The following KMT2C variants were observed in gnomAD, a reference collection of about 807,000 sequenced individuals.
The protein encoded by KMT2C is histone-lysine N-methyltransferase 2C.
KMT2C carries 88 observed loss-of-function variants against 507.9 expected under a neutral mutation model. The observed-to-expected ratio is 0.17, with a 90% CI of 0.15 to 0.21. The LOEUF is 0.21. Among genes scored for constraint, KMT2C ranks in the 10% least tolerant of loss-of-function variants. KMT2C has a pLI of 1.00. For missense variants in KMT2C, 4,954 were observed against 5,957.8 expected (o/e 0.83, Z 5.55); for synonymous variants, 2,049 against 2,080.8 (o/e 0.98, Z 0.42).
chr7:152,414,209 CA>C (rs142576046), intron 1 of KMT2C, among the ~76,000 whole-genome samples: 2,258 of 103,190 alleles, frequency 0.022, 45 homozygotes, highest in African/African-American at 0.067. Flanking sequence ...GACTCTGTTT[CA>C]AAAAAAAAAA....
At chr7:152,199,516 T>C (rs1481910454) in intron 26 of KMT2C, 57 bp from the exon 27 acceptor site, 5 of 1,104,314 alleles carry the variant, frequency 4.5e-6, no homozygotes, top group Non-Finnish European at 6.4e-6. Context: ...AGACAATAGA[T>C]TATTCTGTCA....
At chr7:152,265,336 A>T in intron 7 of KMT2C, 127 bp from the exon 8 acceptor site, 1 of 1,426,494 alleles carries the variant, frequency 7.0e-7, no homozygotes, top group South Asian at 1.3e-5. Flanking sequence ...TTCACATTGA[A>T]TTGTCATCTA....
At chr7:152,306,779 G>A (rs1020297389) in intron 6 of KMT2C, among the ~76,000 whole-genome samples, 1 of 152,164 alleles carries the variant, frequency 6.6e-6, no homozygotes, top group Non-Finnish European at 1.5e-5. Context: ...TTTTATGTTT[G>A]AATTTTTGCC....
chr7:152,336,002 CT>C (rs1483931006), intron 2 of KMT2C, among the ~76,000 whole-genome samples: 1 of 152,036 alleles, frequency 6.6e-6, no homozygotes, highest in Non-Finnish European at 1.5e-5. Context: ...AGAGTTCATC[CT>C]GTTCTCTTTT....
At chr7:152,299,781 T>A (rs1463727527) in intron 6 of KMT2C, among the ~76,000 whole-genome samples, 1 of 151,866 alleles carries the variant, frequency 6.6e-6, no homozygotes. Context: ...TTAGACCATA[T>A]ACATTTAATG....
intron 6 of KMT2C, among the ~76,000 whole-genome samples, chr7:152,283,689 A>AT (rs1472013462): frequency 1.4e-4 from 22 of 152,162 alleles, no homozygotes; most frequent in Non-Finnish European, 2.9e-4. Context: ...TCCTTGAAAC[A>AT]TAACTTTGGT....
At chr7:152,388,073 G>T (rs1411031491) in intron 1 of KMT2C, among the ~76,000 whole-genome samples, 1 of 149,084 alleles carries the variant, frequency 6.7e-6, no homozygotes, top group Non-Finnish European at 1.5e-5. Context: ...TTTCTAGGCT[G>T]GGGGGAAAAA....
Position 152,430,366 on chromosome 7 carries a change from AG to A in KMT2C, c.161+5259del, listed in dbSNP as rs536674413. 3.3e-3 allele frequency among the ~76,000 whole-genome samples: 507 copies of A among 152,200 alleles called. 5 individuals are homozygous for A. Among genetic ancestry groups the A allele is most frequent in the African/African-American group, 0.012 (484 of 41,534 alleles). On this transcript the variant is annotated intron_variant, in intron 1 of 58. Coordinates refer to ENST00000262189, the MANE Select transcript of KMT2C (RefSeq NM_170606.3). ...AGATAAAAATGGACCAAAACAATAT[AG>A]AAAAAAAAAAGTAAAGGCAAACACA...
chr7:152,194,706 T>TA, intron 28 of KMT2C, 138 bp from the exon 29 acceptor site: 4 of 562,532 alleles, frequency 7.1e-6, no homozygotes, highest in South Asian at 3.4e-5. Context: ...GAATCAGAAT[T>TA]CTCATATCAA....
intron 1 of KMT2C, chr7:152,367,735 C>G: frequency 8.6e-7 from 1 of 1,160,946 alleles, no homozygotes; most frequent in Non-Finnish European, 1.3e-6. Flanking sequence ...TGCTGGCAGC[C>G]TCTTATCGAT....
rs143334948 is a variant in KMT2C at position 152,154,112 on chromosome 7, C to T, written c.12174G>A (p.Glu4058=). 2.7e-4 allele frequency: 440 copies of T among 1,613,984 alleles called. 3 individuals carry two copies. In the African/African-American group the frequency reaches 5.3e-3, roughly 19 times the overall value. ...SESRRNDIKT[E]PGTLYFASPF... is the part of the protein sequence containing the mutation. ...GTGACGCAAAATATAAAGTGCCTGG[C>T]TCAGTTTTGATGTCATTCCTTCTTG... The change falls in exon 48 of 59, where the codon GAG becomes GAA. Residue 4058 remains glutamate (E), a synonymous_variant. Transcript: ENST00000262189.
At chr7:152,217,858 T>C (rs2094625386) in intron 23 of KMT2C, among the ~76,000 whole-genome samples, 1 of 152,210 alleles carries the variant, frequency 6.6e-6, no homozygotes, top group Non-Finnish European at 1.5e-5. Context: ...TGTACTATTA[T>C]CAAGAAACCT....
At chr7:152,282,681 A>G (rs2096240488) in intron 6 of KMT2C, among the ~76,000 whole-genome samples, 1 of 152,176 alleles carries the variant, frequency 6.6e-6, no homozygotes, top group East Asian at 1.9e-4. Flanking sequence ...GTCTTTGGGG[A>G]GTTAGGAATA....
chr7:152,187,948 C>T, intron 31 of KMT2C, 101 bp from the exon 32 acceptor site: 1 of 1,083,272 alleles, frequency 9.2e-7, no homozygotes, highest in East Asian at 2.5e-5. Flanking sequence ...CTGCATGGGT[C>T]CACATAAACA....
At chr7:152,292,618 T>C (rs2129187297) in intron 6 of KMT2C, among the ~76,000 whole-genome samples, 1 of 152,366 alleles carries the variant, frequency 6.6e-6, no homozygotes, top group South Asian at 2.1e-4. Flanking sequence ...TTTTAGCTCA[T>C]GTCCCACATA....
rs2129115561 is a variant in KMT2C, at chr7:152,177,880, G to A, written c.7573C>T (p.Pro2525Ser). The change falls in exon 38 of 59, where the codon CCT becomes TCT. Residue 2525 changes from proline (P) to serine (S), a missense_variant. Physicochemically the swap from Pro to Ser is moderately conservative, Grantham distance 74. This residue lies in a region of KMT2C where 1,689 missense variants were observed against 1,654.3 expected (regional missense o/e 1.02). Coordinates refer to ENST00000262189, the MANE Select transcript of KMT2C (RefSeq NM_170606.3). ...TTATTCATTTGTGAGTTATTTAAAG[G>A]CCTAGGCATATCTACAGATACTGAT... The part of the protein sequence containing the change: ...RRSVSVDMPR[P>S]LNNSQMNNPV... 1.2e-6 allele frequency: 2 copies of A among 1,613,456 alleles called. No individual in the cohort carries two copies. The highest frequency in any genetic ancestry group is 1.7e-6 in the Non-Finnish European group (2 of 1,179,908).
chr7:152,385,710 T>C (rs2097420234), intron 1 of KMT2C, among the ~76,000 whole-genome samples: 2 of 151,694 alleles, frequency 1.3e-5, no homozygotes, highest in South Asian at 4.2e-4. Flanking sequence ...TGTCAATTTT[T>C]TTTTAAGTAT....
At chr7:152,331,724 C>T (rs1443448329) in intron 2 of KMT2C, among the ~76,000 whole-genome samples, 1 of 146,888 alleles carries the variant, frequency 6.8e-6, no homozygotes, top group Admixed American at 7.0e-5. Context: ...TCTCGACTCA[C>T]TGCCACCTCT....
rs754881644 is a variant in KMT2C at position 152,181,081 on chromosome 7, G to A, written c.6779C>T (p.Ala2260Val). Residue 2260 changes from alanine to valine, a missense_variant, in exon 36 of 59, where the codon GCT (alanine) becomes GTT (valine). By Grantham distance (64) the Ala-to-Val change is moderately conservative (BLOSUM62 0). Around this residue, in one of 29 missense-constraint regions of KMT2C, gnomAD observed 1,689 missense variants for 1,654.3 expected, o/e 1.02. Transcript: ENST00000262189. ...FLQAAQNRGP[A>V]LPGPLVRPPD... Reference sequence around the variant, plus strand: ...TGGCCTTACCAACGGGCCAGGTAAAGCTGGTCCTCGGTTTTGTGCTGCTTG... The same window carrying A: ...TGGCCTTACCAACGGGCCAGGTAAAACTGGTCCTCGGTTTTGTGCTGCTTG... The A allele has an allele frequency of 6.2e-6, 10 of 1,614,180 alleles. No individual in the cohort carries two copies. The highest frequency in any genetic ancestry group is 8.5e-6 in the Non-Finnish European group (10 of 1,180,030).
Sources: gnomAD v4.1 joint callset for allele counts (sites outside exome capture counted in the v4.1 genomes callset) on GRCh38, gnomAD v4.1.1 for gene constraint, gnomAD v4.1.1 regional missense constraint, MANE v1.5 for transcripts, NCBI Gene and HGNC (gene_info 2026-07-23, HGNC 2026-07-21) for gene names.